The following NHSL1 variants were observed in gnomAD, a reference collection of about 807,000 sequenced individuals.
NHSL1 encodes NHS-like protein 1.
Under a neutral mutation model 95.0 loss-of-function variants are expected in NHSL1, and 48 were observed. The observed-to-expected ratio is 0.51, with a 90% CI of 0.40 to 0.64. NHSL1 has a LOEUF of 0.64. Ranked by LOEUF, NHSL1 falls within the 30% of genes least tolerant of loss-of-function variation. NHSL1 has a pLI of 0.00. For missense variants in NHSL1, 1,971 were observed against 2,077.7 expected (o/e 0.95, Z 1.00); for synonymous variants, 783 against 833.9 (o/e 0.94, Z 1.05).
intron 1 of NHSL1, among the ~76,000 whole-genome samples, chr6:138,640,403 A>C (rs1355378446): frequency 6.6e-6 from 1 of 152,194 alleles, no homozygotes; most frequent in East Asian, 1.9e-4. Flanking sequence ...TGACCCCTGA[A>C]CAACACAAGT....
intron 1 of NHSL1, among the ~76,000 whole-genome samples, chr6:138,658,674 TG>T (rs2114727026): frequency 6.6e-6 from 1 of 152,310 alleles, no homozygotes; most frequent in South Asian, 2.1e-4. Context: ...CTCTTTGATG[TG>T]GTGATTTTTT....
At chr6:138,491,183 G>A (rs1780058215) in intron 2 of NHSL1, among the ~76,000 whole-genome samples, 1 of 152,234 alleles carries the variant, frequency 6.6e-6, no homozygotes, top group African/African-American at 2.4e-5. Context: ...GGAAAGAGCT[G>A]TGACTAGAGA....
At chr6:138,464,185 C>A (rs1583227474) in intron 3 of NHSL1, 1 of 704,050 alleles carries the variant, frequency 1.4e-6, no homozygotes, top group South Asian at 1.9e-5. Flanking sequence ...ACCTGGGCAC[C>A]AGGGGCAGCC....
chr6:138,616,516 G>C (rs551683190), intron 1 of NHSL1, among the ~76,000 whole-genome samples: 144 of 152,022 alleles, frequency 9.5e-4, no homozygotes, highest in Non-Finnish European at 1.7e-3. Context: ...AGGGAACAAG[G>C]GGGCAGGCAG....
At chr6:138,596,170 CTA>C (rs1429338208) in intron 1 of NHSL1, among the ~76,000 whole-genome samples, 1 of 152,162 alleles carries the variant, frequency 6.6e-6, no homozygotes, top group Non-Finnish European at 1.5e-5. Context: ...GAGGCAGAAT[CTA>C]CCTCTGCCTG....
chr6:138,690,614 G>A (rs529921064), intron 1 of NHSL1, among the ~76,000 whole-genome samples: 1 of 152,148 alleles, frequency 6.6e-6, no homozygotes, highest in Admixed American at 6.5e-5. Flanking sequence ...GGTGGCGGGC[G>A]CCTGTAATCC....
At chr6:138,440,395 C>T (rs1776453019) in intron 5 of NHSL1, among the ~76,000 whole-genome samples, 1 of 152,150 alleles carries the variant, frequency 6.6e-6, no homozygotes, top group African/African-American at 2.4e-5. Context: ...CCTCAGGTAG[C>T]CACAGAGGAA....
Position 138,433,589 on chromosome 6 carries a change from A to C in NHSL1, c.756T>G (p.Ser252=). ...STLGRFNSCR[S]AGQRSETRDS... is the part of the protein sequence containing the mutation. ...CCCTGGTTTCTGAGCGCTGCCCAGC[A>C]GACCGACAGCTATTGAACCTTCCTA... The change falls in exon 6 of 8, where the codon TCT becomes TCG. Residue 252 remains serine, a synonymous_variant. Coordinates refer to ENST00000343505, the MANE Select transcript of NHSL1 (RefSeq NM_001144060.2). The C allele has an allele frequency of 1.3e-6, 2 of 1,552,132 alleles. No homozygotes were observed. The highest frequency in any genetic ancestry group is 4.9e-5 in the East Asian group (2 of 40,896).
chr6:138,437,319 TACACACAC>T (rs1204870537), intron 5 of NHSL1, among the ~76,000 whole-genome samples: 1 of 102,012 alleles, frequency 9.8e-6, no homozygotes, highest in African/African-American at 4.2e-5. Flanking sequence ...TATATATATA[TACACACAC>T]ACATATATAT....
At chr6:138,460,219 T>C (rs1425575726) in intron 3 of NHSL1, among the ~76,000 whole-genome samples, 1 of 152,206 alleles carries the variant, frequency 6.6e-6, no homozygotes, top group Non-Finnish European at 1.5e-5. Context: ...TGTAAACGTT[T>C]GATAAGATTT....
At chr6:138,489,591 C>T (rs1779908677) in intron 2 of NHSL1, among the ~76,000 whole-genome samples, 1 of 151,264 alleles carries the variant, frequency 6.6e-6, no homozygotes, top group Non-Finnish European at 1.5e-5. Flanking sequence ...AAGGCAAGAC[C>T]CTATCTCTAC....
In NHSL1 at chr6:138,432,583, C is replaced by A; in HGVS notation, c.1762G>T (p.Asp588Tyr). The change falls in exon 6 of 8, where the codon GAC becomes TAC. Residue 588 changes from aspartate (D) to tyrosine (Y), a missense_variant. By Grantham distance (160) the Asp-to-Tyr change is radical. This residue lies in a region of NHSL1 where 1,602 missense variants were observed against 1,654.5 expected (regional missense o/e 0.97). Transcript: ENST00000343505. This position sits in a 1 kb window ranked among gnomAD's most constrained non-coding sequence, Gnocchi z 4.4. Reference sequence around the variant, plus strand: ...GCATCCTCTTTGTTGGACGTTTGGTCCAAACTGCAGCTGCTCATGTTACTT... The same window carrying A: ...GCATCCTCTTTGTTGGACGTTTGGTACAAACTGCAGCTGCTCATGTTACTT... ...PTSNMSSCSL[D>Y]QTSNKEDAGS... 9 of 1,551,862 alleles carry A rather than the reference C, an allele frequency of 5.8e-6. No individual in the cohort carries two copies. Among genetic ancestry groups the A allele is most frequent in the Non-Finnish European group, 7.8e-6 (9 of 1,147,022 alleles).
At chr6:138,501,141 C>G (rs921481660), upstream of NHSL1, among the ~76,000 whole-genome samples, 6 of 152,190 alleles carry the variant, frequency 3.9e-5, no homozygotes, top group African/African-American at 1.4e-4. Context: ...CCAGTGAAAA[C>G]AGAAATTGTT....
intron 1 of NHSL1, among the ~76,000 whole-genome samples, chr6:138,498,719 C>G (rs1382607121): frequency 1.3e-5 from 2 of 152,160 alleles, no homozygotes; most frequent in African/African-American, 4.8e-5. Context: ...TCAGTCTAGA[C>G]AGTTTGTGCT....
chr6:138,656,027 T>C (rs972263629), intron 1 of NHSL1, among the ~76,000 whole-genome samples: 1 of 152,222 alleles, frequency 6.6e-6, no homozygotes, highest in Non-Finnish European at 1.5e-5. Flanking sequence ...TCCTCTTCTT[T>C]CTGCCTTCAA....
chr6:138,647,960 A>G (rs577722097), intron 1 of NHSL1, among the ~76,000 whole-genome samples: 1 of 152,236 alleles, frequency 6.6e-6, no homozygotes, highest in East Asian at 1.9e-4. Flanking sequence ...CAAATTTTTC[A>G]AAGTCACCAC....
intron 1 of NHSL1, among the ~76,000 whole-genome samples, chr6:138,510,433 G>C (rs988306172): frequency 1.3e-5 from 2 of 152,188 alleles, no homozygotes; most frequent in Non-Finnish European, 1.5e-5. Context: ...CCTAAATGAG[G>C]ATAATATTTT....
At chr6:138,659,006 A>G (rs1785190988) in intron 1 of NHSL1, among the ~76,000 whole-genome samples, 1 of 151,832 alleles carries the variant, frequency 6.6e-6, no homozygotes, top group African/African-American at 2.4e-5. Context: ...CAAGGGAATA[A>G]GGAAGTCACT....
upstream of NHSL1, chr6:138,545,792 C>T: frequency 1.7e-6 from 2 of 1,198,582 alleles, no homozygotes; most frequent in Non-Finnish European, 2.1e-6. Flanking sequence ...ACTGCCCAAT[C>T]CCCAGCCTGC....
Sources: gnomAD v4.1 joint callset for allele counts (sites outside exome capture counted in the v4.1 genomes callset) on GRCh38, gnomAD v4.1.1 for gene constraint, gnomAD v4.1.1 regional missense constraint, Gnocchi (gnomAD v3.1) non-coding constraint, MANE v1.5 for transcripts, NCBI Gene and HGNC (gene_info 2026-07-23, HGNC 2026-07-21) for gene names.